Variants in SH3D19 observed in about 807,000 individuals in gnomAD.
The protein encoded by SH3D19 is SH3 domain containing 19.
SH3D19 carries 58 observed loss-of-function variants against 112.1 expected under a neutral mutation model. The observed-to-expected ratio is 0.52, with a 90% CI of 0.42 to 0.64. The LOEUF is 0.64. Among genes scored for constraint, SH3D19 ranks in the 30% least tolerant of loss-of-function variants. SH3D19 has a pLI of 0.00. For synonymous variants in SH3D19, 391 were observed against 448.5 expected (o/e 0.87, Z 1.62); for missense variants, 1,090 against 1,263.4 (o/e 0.86, Z 2.08).
chr4:151,191,361 G>C (rs1161757163), intron 2 of SH3D19, among the ~76,000 whole-genome samples: 1 of 152,180 alleles, frequency 6.6e-6, no homozygotes, highest in East Asian at 1.9e-4. Flanking sequence ...GTGAGGACAT[G>C]ACATTTGGGA....
rs1468745499 is a variant in SH3D19, at chr4:151,128,366, A to G, written c.2743-10T>C. The G allele has an allele frequency of 6.2e-7, 1 of 1,607,726 alleles. No individual in the cohort carries two copies. Among genetic ancestry groups the G allele is most frequent in the Admixed American group, 1.7e-5 (1 of 59,292 alleles). On this transcript the variant is annotated splice_polypyrimidine_tract_variant and intron_variant, in intron 17 of 19. Transcript: ENST00000604030. ...CCGGAAGACTGTTAACCTGTTATCA[A>G]ATTAGAGGTGTGGTCAGAAGTGTAA... is the stretch of plus-strand genomic sequence containing the variant.
intron 1 of SH3D19, chr4:151,291,425 C>A: frequency 6.2e-7 from 1 of 1,612,878 alleles, no homozygotes; most frequent in Non-Finnish European, 8.5e-7. Context: ...GAAGAGAATG[C>A]ATGGAGATTT....
At chr4:151,158,698 AT>A (rs1176937050) in intron 9 of SH3D19, among the ~76,000 whole-genome samples, 5 of 151,966 alleles carry the variant, frequency 3.3e-5, no homozygotes, top group African/African-American at 4.8e-5. Context: ...AAAAAAATAA[AT>A]AAAAGTATTG....
intron 7 of SH3D19, among the ~76,000 whole-genome samples, chr4:151,170,210 T>A (rs779371761): frequency 1.3e-5 from 2 of 152,192 alleles, no homozygotes; most frequent in Non-Finnish European, 2.9e-5. Context: ...CATTTTTTTT[T>A]AATCCAAAAT....
intron 2 of SH3D19, among the ~76,000 whole-genome samples, chr4:151,198,371 TAAA>T (rs999157209): frequency 6.7e-4 from 44 of 65,738 alleles, no homozygotes; most frequent in African/African-American, 1.5e-3. Context: ...TTATATTATA[TAAA>T]AATTATATAA....
At chr4:151,315,817 A>G (rs1466379546) in intron 1 of SH3D19, among the ~76,000 whole-genome samples, 1 of 152,162 alleles carries the variant, frequency 6.6e-6, no homozygotes, top group African/African-American at 2.4e-5. Flanking sequence ...CATGCAAAAT[A>G]ATTTCTAAAA....
At chr4:151,158,682 C>CAAAAAAAAA (rs200621199) in intron 9 of SH3D19, among the ~76,000 whole-genome samples, 1 of 85,164 alleles carries the variant, frequency 1.2e-5, no homozygotes, top group Non-Finnish European at 2.7e-5. Context: ...GTTGGAAGAC[C>CAAAAAAAAA]AAAAAAAAAA....
At chr4:151,320,696 A>G (rs1353003981) in intron 1 of SH3D19, among the ~76,000 whole-genome samples, 1 of 152,200 alleles carries the variant, frequency 6.6e-6, no homozygotes, top group Non-Finnish European at 1.5e-5. Context: ...TCAATAAAAA[A>G]TAATAGGCAA....
chr4:151,286,967 G>C (rs1241088389), intron 1 of SH3D19, among the ~76,000 whole-genome samples: 2 of 140,842 alleles, frequency 1.4e-5, no homozygotes, highest in African/African-American at 5.5e-5. Flanking sequence ...GTGACAGAGT[G>C]AGATTCTGTC....
At chr4:151,123,266 A>G (rs1748429982) in intron 19 of SH3D19, among the ~76,000 whole-genome samples, 1 of 152,220 alleles carries the variant, frequency 6.6e-6, no homozygotes, top group Non-Finnish European at 1.5e-5. Flanking sequence ...ATTCAAATCT[A>G]GTGCAATTCC....
intron 1 of SH3D19, among the ~76,000 whole-genome samples, chr4:151,254,649 G>C (rs1771674042): frequency 6.7e-6 from 1 of 150,308 alleles, no homozygotes; most frequent in Non-Finnish European, 1.5e-5. Flanking sequence ...TAAGGTCACA[G>C]ATCAACAGGA....
At chr4:151,211,946 A>G (rs1019336521) in intron 2 of SH3D19, among the ~76,000 whole-genome samples, 3 of 152,246 alleles carry the variant, frequency 2.0e-5, no homozygotes, top group Admixed American at 2.0e-4. Flanking sequence ...TCTAGCTAAC[A>G]TGATTGGTAA....
At position 151,233,513 on chromosome 4, in the gene SH3D19, T is replaced by C. The variant is rs2407224; in HGVS notation, c.113-7427A>G. Among the ~76,000 whole-genome samples the C allele has an allele frequency of 1.4e-3, 220 of 152,230 alleles. 3 individuals carry two copies. Among genetic ancestry groups the C allele is most frequent in the Admixed American group, 9.4e-3 (144 of 15,288 alleles). ...GGCTTGTCGTCCTTTCCTCCAATAG[T>C]GTAGCATTTAAAAATCTCTTTCTGA... On this transcript the variant is annotated intron_variant, in intron 1 of 19. Transcript: ENST00000604030.
chr4:151,221,195 A>T (rs1767982982), intron 2 of SH3D19, among the ~76,000 whole-genome samples: 1 of 152,234 alleles, frequency 6.6e-6, no homozygotes, highest in African/African-American at 2.4e-5. Context: ...TGAAAGCTAT[A>T]GGAGTGCTTG....
At chr4:151,160,682 CTCT>C (rs1193122141) in intron 8 of SH3D19, among the ~76,000 whole-genome samples, 1 of 67,972 alleles carries the variant, frequency 1.5e-5, no homozygotes, top group Non-Finnish European at 3.9e-5. Context: ...CTCTTTCTCT[CTCT>C]TTTTTTTTTT....
intron 12 of SH3D19, chr4:151,140,485 A>T (rs1356961970): frequency 6.6e-6 from 1 of 152,252 alleles, no homozygotes; most frequent in South Asian, 2.1e-4. Context: ...TAAATTAGCA[A>T]AAAGAATCTA....
Position 151,132,358 on chromosome 4 carries a change from T to G in SH3D19, c.2715A>C (p.Lys905Asn), listed in dbSNP as rs1412042965. ...VLSTKVPLKT[K>N]KEDSGSNSQV... Reference sequence around the variant, plus strand: ...GAGAGTTTGAGCCAGAATCTTCTTTTTTGGTTTTCAGTGGTACCTTTGTGC... The same window carrying G: ...GAGAGTTTGAGCCAGAATCTTCTTTGTTGGTTTTCAGTGGTACCTTTGTGC... Residue 905 changes from lysine to asparagine, a missense_variant, in exon 17 of 20, where the codon AAA becomes AAC. Coordinates refer to ENST00000604030, the MANE Select transcript of SH3D19 (RefSeq NM_001378122.1). 1.9e-6 allele frequency: 3 copies of G among 1,614,062 alleles called. No individual in the cohort carries two copies. The highest frequency in any genetic ancestry group is 4.5e-5 in the East Asian group (2 of 44,884).
intron 2 of SH3D19, among the ~76,000 whole-genome samples, chr4:151,220,802 A>C (rs1265853218): frequency 6.6e-6 from 1 of 152,212 alleles, no homozygotes; most frequent in African/African-American, 2.4e-5. Context: ...CACAGTAAAG[A>C]AATATGGCTA....
chr4:151,145,616 C>T (rs1274807552), intron 11 of SH3D19, among the ~76,000 whole-genome samples: 1 of 152,206 alleles, frequency 6.6e-6, no homozygotes, highest in East Asian at 1.9e-4. Flanking sequence ...AATAAACAGC[C>T]TTGTTGCTCT....
Sources: gnomAD v4.1 joint callset for allele counts (sites outside exome capture counted in the v4.1 genomes callset) on GRCh38, gnomAD v4.1.1 for gene constraint, MANE v1.5 for transcripts, NCBI Gene and HGNC (gene_info 2026-07-23, HGNC 2026-07-21) for gene names.